ST6GALNAC3: variants seen among roughly 807,000 people sequenced by gnomAD.
ST6GALNAC3 encodes alpha-N-acetylgalactosaminide alpha-2,6-sialyltransferase 3.
A neutral mutation model predicts 32.7 loss-of-function variants in ST6GALNAC3; 25 were observed. That is an observed-to-expected ratio of 0.76 (90% CI 0.56 to 1.07). The LOEUF is 1.07. Ranked by LOEUF, ST6GALNAC3 falls within the 50% of genes least tolerant of loss-of-function variation. The pLI, the probability that ST6GALNAC3 is intolerant of heterozygous loss-of-function variation, is 0.00. For missense variants in ST6GALNAC3, 355 were observed against 382.4 expected (o/e 0.93, Z 0.60); for synonymous variants, 129 against 133.1 (o/e 0.97, Z 0.21).
intron 1 of ST6GALNAC3, among the ~76,000 whole-genome samples, chr1:76,146,041 T>A (rs905939580): frequency 1.3e-5 from 2 of 152,202 alleles, no homozygotes; most frequent in African/African-American, 4.8e-5. Flanking sequence ...GTAAAGGCAA[T>A]TTAATAAATA....
At chr1:76,106,174 TTTG>T (rs1647516907) in intron 1 of ST6GALNAC3, among the ~76,000 whole-genome samples, 1 of 152,244 alleles carries the variant, frequency 6.6e-6, no homozygotes, top group Non-Finnish European at 1.5e-5. Flanking sequence ...ATCTTATATT[TTTG>T]TTGTTGTTAT....
chr1:76,479,334 A>G (rs1397306485), intron 3 of ST6GALNAC3, among the ~76,000 whole-genome samples: 1 of 152,210 alleles, frequency 6.6e-6, no homozygotes, highest in East Asian at 1.9e-4. Context: ...CTCAGCCTGT[A>G]AAGATTCCCC....
chr1:76,364,636 C>T (rs1570974685), intron 2 of ST6GALNAC3, among the ~76,000 whole-genome samples: 1 of 150,710 alleles, frequency 6.6e-6, no homozygotes, highest in Admixed American at 6.6e-5. Flanking sequence ...AGGAACTCAA[C>T]AAGAAAAAAA....
At chr1:76,128,358 A>G (rs972281634) in intron 1 of ST6GALNAC3, among the ~76,000 whole-genome samples, 3 of 152,206 alleles carry the variant, frequency 2.0e-5, no homozygotes, top group African/African-American at 7.2e-5. Context: ...GAGCAGATAT[A>G]CAAGTGGACT....
At chr1:76,627,618 C>G in intron 4 of ST6GALNAC3, 59 bp downstream of exon 4, 1 of 1,217,382 alleles carries the variant, frequency 8.2e-7, no homozygotes, top group Non-Finnish European at 1.2e-6. Flanking sequence ...GTCAAAATAT[C>G]ACAATTCATT....
intron 1 of ST6GALNAC3, among the ~76,000 whole-genome samples, chr1:76,285,992 C>T (rs1373558787): frequency 6.6e-6 from 1 of 151,904 alleles, no homozygotes; most frequent in East Asian, 1.9e-4. Context: ...GATGGAGACA[C>T]AGGAAAGACA....
intron 3 of ST6GALNAC3, among the ~76,000 whole-genome samples, chr1:76,588,731 G>A (rs1647001253): frequency 2.0e-5 from 3 of 152,150 alleles, no homozygotes; most frequent in Admixed American, 2.0e-4. Flanking sequence ...CCTTGGGGAG[G>A]CATTTCCAGC....
At chr1:76,395,652 C>G (rs11162146) in intron 2 of ST6GALNAC3, among the ~76,000 whole-genome samples, 31,664 of 151,982 alleles carry the variant, frequency 0.21, 3,892 homozygotes, top group East Asian at 0.6. Flanking sequence ...AAAAAAGAAT[C>G]AGATCCTGCC....
intron 2 of ST6GALNAC3, among the ~76,000 whole-genome samples, chr1:76,390,363 C>G (rs1456919877): frequency 6.6e-6 from 1 of 152,124 alleles, no homozygotes; most frequent in African/African-American, 2.4e-5. Context: ...GTAAGACGGG[C>G]TTTGATGTTA....
rs1660229480 is a variant in ST6GALNAC3 at position 76,487,862 on chromosome 1, C to T, written c.623+75445C>T. On this transcript the variant is annotated intron_variant, in intron 3 of 4. Transcript: ENST00000328299. ...TTTTCCCCCATCTTTGTGGTTTTGT[C>T]TACCTTGGTCTTTGATGATGGTGAT... is the stretch of plus-strand genomic sequence containing the variant. Among the ~76,000 whole-genome samples the T allele has an allele frequency of 3.3e-5, 5 of 152,128 alleles. No homozygotes were observed. The South Asian group carries it at 1.0e-3, about 32-fold the overall frequency.
At chr1:76,444,967 G>A (rs1391512894) in intron 3 of ST6GALNAC3, among the ~76,000 whole-genome samples, 3 of 152,274 alleles carry the variant, frequency 2.0e-5, no homozygotes, top group African/African-American at 7.2e-5. Flanking sequence ...AAAATGCCAA[G>A]CACAGCTGCT....
chr1:76,532,793 G>A (rs965512832), intron 3 of ST6GALNAC3, among the ~76,000 whole-genome samples: 1 of 152,090 alleles, frequency 6.6e-6, no homozygotes, highest in Admixed American at 6.5e-5. Flanking sequence ...ATTTACTGTT[G>A]TATGATTTTC....
At chr1:76,100,115 T>A (rs193156513) in intron 1 of ST6GALNAC3, among the ~76,000 whole-genome samples, 1 of 152,250 alleles carries the variant, frequency 6.6e-6, no homozygotes, top group East Asian at 1.9e-4. Flanking sequence ...CCAGCAATCT[T>A]GCTATATTGA....
At chr1:76,331,631 G>A (rs1337971557) in intron 2 of ST6GALNAC3, among the ~76,000 whole-genome samples, 2 of 152,058 alleles carry the variant, frequency 1.3e-5, no homozygotes, top group African/African-American at 2.4e-5. Context: ...TCTCATTCTC[G>A]TAATGGTCCT....
intron 3 of ST6GALNAC3, among the ~76,000 whole-genome samples, chr1:76,503,033 T>TA (rs1557498215): frequency 6.6e-6 from 1 of 152,090 alleles, no homozygotes; most frequent in African/African-American, 2.4e-5. Flanking sequence ...AGGTTGAAAT[T>TA]AAGAGTTGTA....
chr1:76,347,757 C>T (rs561127803), intron 2 of ST6GALNAC3, among the ~76,000 whole-genome samples: 1 of 152,104 alleles, frequency 6.6e-6, no homozygotes, highest in Non-Finnish European at 1.5e-5. Context: ...CTTGCTCTAT[C>T]TATCACTAAT....
intron 1 of ST6GALNAC3, among the ~76,000 whole-genome samples, chr1:76,311,004 A>G (rs1207182158): frequency 1.3e-5 from 2 of 152,124 alleles, no homozygotes; most frequent in African/African-American, 4.8e-5. Flanking sequence ...TGGACCCCAA[A>G]TCTGAGGAAT....
At chr1:76,075,880 T>G (rs1306572640) in intron 1 of ST6GALNAC3, among the ~76,000 whole-genome samples, 1 of 152,190 alleles carries the variant, frequency 6.6e-6, no homozygotes, top group Non-Finnish European at 1.5e-5. Flanking sequence ...AATTCGTTGT[T>G]GTTGTGTTAT....
At chr1:76,430,296 C>A (rs1401199940) in intron 3 of ST6GALNAC3, among the ~76,000 whole-genome samples, 1 of 152,114 alleles carries the variant, frequency 6.6e-6, no homozygotes, top group African/African-American at 2.4e-5. Flanking sequence ...TTTTACATTT[C>A]ATTCACCTAC....
Sources: allele counts gnomAD v4.1 joint callset (sites outside exome capture counted in the v4.1 genomes callset), GRCh38; gene constraint gnomAD v4.1.1; transcripts MANE v1.5; gene names NCBI Gene and HGNC (gene_info 2026-07-23, HGNC 2026-07-21).